The following ZNF516 variants were observed in gnomAD, a reference collection of about 807,000 sequenced individuals.
The protein encoded by ZNF516 is zinc finger protein 516.
Under a neutral mutation model 79.7 loss-of-function variants are expected in ZNF516, and 19 were observed. The observed-to-expected ratio is 0.24, with a 90% CI of 0.17 to 0.35. ZNF516 has a LOEUF of 0.35. Ranked by LOEUF, ZNF516 falls within the 10% of genes least tolerant of loss-of-function variation. ZNF516 has a pLI of 1.00. For synonymous variants in ZNF516, 877 were observed against 739.5 expected (o/e 1.19, Z -3.02); for missense variants, 1,678 against 1,679.5 (o/e 1.00, Z 0.02).
At chr18:76,464,000 A>G (rs775327187) in intron 1 of ZNF516, among the ~76,000 whole-genome samples, 2 of 152,052 alleles carry the variant, frequency 1.3e-5, no homozygotes, top group Non-Finnish European at 2.9e-5. Flanking sequence ...TTACGGCACC[A>G]CGCCATGTTT....
At chr18:76,384,799 A>G (rs1293553569) in intron 3 of ZNF516, among the ~76,000 whole-genome samples, 2 of 152,104 alleles carry the variant, frequency 1.3e-5, no homozygotes, top group Non-Finnish European at 2.9e-5. Context: ...TCTGCTCCTC[A>G]GTCCCCACCA....
At chr18:76,429,772 T>C (rs2075639544) in intron 3 of ZNF516, among the ~76,000 whole-genome samples, 1 of 152,108 alleles carries the variant, frequency 6.6e-6, no homozygotes, top group Non-Finnish European at 1.5e-5. Context: ...TGACCCAGAA[T>C]GGAAAATGAT....
In ZNF516 at chr18:76,379,961, T is replaced by C; in HGVS notation, c.2153A>G (p.His718Arg). Residue 718 changes from histidine to arginine, a missense_variant, in exon 4 of 7, where the codon CAC becomes CGC. Around this residue, in one of 5 missense-constraint regions of ZNF516, gnomAD observed 1,294 missense variants for 1,248.3 expected, o/e 1.04. Coordinates refer to ENST00000443185, the MANE Select transcript of ZNF516 (RefSeq NM_014643.4). ...CAGCGCCCGCTTCCCTCCCCCAGAG[T>C]GTTCCTTGTTGTGCAAATCGGACAG... ...EKLSDLHNKE[H>R]SGGGKRALAP... 1.2e-6 allele frequency: 2 copies of C among 1,613,900 alleles called. No homozygotes were observed. Among genetic ancestry groups the C allele is most frequent in the Non-Finnish European group, 1.7e-6 (2 of 1,179,860 alleles).
At chr18:76,460,315 C>G (rs1347504102) in intron 2 of ZNF516, among the ~76,000 whole-genome samples, 1 of 152,182 alleles carries the variant, frequency 6.6e-6, no homozygotes, top group Non-Finnish European at 1.5e-5. Flanking sequence ...CCACATCCCT[C>G]GACAAGGCTG....
rs1568295312 is a variant in ZNF516, at chr18:76,441,651, C to T, written c.1404G>A (p.Gln468=). ...LVSQEKRKRE[Q]DAPAAQGPPR... ...GGGGCCCCTGCGCGGCTGGTGCATC[C>T]TGCTCACGCTTGCGCTTCTCCTGGC... is the stretch of plus-strand genomic sequence containing the variant. Residue 468 remains glutamine (Q), a synonymous_variant, in exon 3 of 7, where the codon CAG becomes CAA. Transcript: ENST00000443185. 3.2e-6 allele frequency: 5 copies of T among 1,541,306 alleles called. No individual in the cohort carries two copies. The highest frequency in any genetic ancestry group is 4.4e-6 in the Non-Finnish European group (5 of 1,144,696).
rs371742038 is a variant in ZNF516 at position 76,384,218 on chromosome 18, C to G, written c.1811-3915G>C. On this transcript the variant is annotated intron_variant, in intron 3 of 6. Transcript: ENST00000443185. ...TGGCAATGAGAACTCCTCAGGACAC[C>G]CCCAACAGGTGGCAGCAGGCACAGG... Among the ~76,000 whole-genome samples the G allele has an allele frequency of 1.4e-3, 214 of 152,080 alleles. 1 individual carries two copies. The Middle Eastern group carries it at 0.017, about 12-fold the overall frequency.
chr18:76,402,890 G>A (rs1250029552), intron 3 of ZNF516, among the ~76,000 whole-genome samples: 1 of 152,208 alleles, frequency 6.6e-6, no homozygotes, highest in African/African-American at 2.4e-5. Context: ...GGCAGCTGCT[G>A]TCTGCGCTCG....
rs1425256843 is a variant in ZNF516 at position 76,361,637 on chromosome 18, A to G, written c.*861T>C. On this transcript the variant is annotated 3_prime_UTR_variant, in exon 7 of 7. Transcript: ENST00000443185. The stretch of plus-strand genomic sequence containing the variant: ...ATCGGGAGGACTCAGTGGCTAAATA[A>G]TTTGTTAAGACGTATAGTCTTCCTT... 1 of 152,220 alleles carries G rather than the reference A, an allele frequency of 6.6e-6. No individual in the cohort carries two copies. The highest frequency in any genetic ancestry group is 1.5e-5 in the Non-Finnish European group (1 of 68,052). 9.4% of individuals were successfully genotyped at this position (152,220 alleles called of 1,614,324 possible).
At chr18:76,471,986 A>C (rs943256731) in intron 1 of ZNF516, among the ~76,000 whole-genome samples, 1 of 152,162 alleles carries the variant, frequency 6.6e-6, no homozygotes, top group East Asian at 1.9e-4. Context: ...TGGATGGACC[A>C]AGTCTTACAG....
chr18:76,397,256 T>C (rs1271003316), intron 3 of ZNF516, among the ~76,000 whole-genome samples: 1 of 152,092 alleles, frequency 6.6e-6, no homozygotes, highest in Non-Finnish European at 1.5e-5. Context: ...TCATACAGAA[T>C]AATAAACGCT....
At chr18:76,473,828 T>C (rs1914009325) in intron 1 of ZNF516, among the ~76,000 whole-genome samples, 1 of 139,814 alleles carries the variant, frequency 7.2e-6, no homozygotes, top group African/African-American at 2.7e-5. Flanking sequence ...AGCTATCTTA[T>C]AATCATAAAG....
At chr18:76,491,009 T>C in intron 1 of ZNF516, 1 of 984,992 alleles carries the variant, frequency 1.0e-6, no homozygotes. Context: ...CAAGCCCGGG[T>C]GCCCACCGCC....
At chr18:76,488,885 G>A (rs1033619304) in intron 1 of ZNF516, among the ~76,000 whole-genome samples, 2 of 152,068 alleles carry the variant, frequency 1.3e-5, no homozygotes, top group Non-Finnish European at 2.9e-5. Flanking sequence ...AGTAATAAGC[G>A]AAATACCACT....
intron 3 of ZNF516, among the ~76,000 whole-genome samples, chr18:76,419,929 G>A (rs2075483887): frequency 6.6e-6 from 1 of 152,228 alleles, no homozygotes; most frequent in Non-Finnish European, 1.5e-5. Context: ...CAGCCTGGAA[G>A]CCAGGAGTCC....
At chr18:76,492,878 T>C (rs1439323245) in intron 1 of ZNF516, 29 of 985,694 alleles carry the variant, frequency 2.9e-5, no homozygotes, top group Non-Finnish European at 3.4e-5. Flanking sequence ...TAAAAGCGTG[T>C]CCACGTCTAC....
chr18:76,447,492 G>T (rs909786527), intron 2 of ZNF516, among the ~76,000 whole-genome samples: 1 of 152,200 alleles, frequency 6.6e-6, no homozygotes, highest in African/African-American at 2.4e-5. Context: ...CCAAATACAA[G>T]TTGTTCCAAC....
Position 76,442,156 on chromosome 18 carries a change from G to C in ZNF516, c.899C>G (p.Pro300Arg). ...FLKNHMKAHG[P>R]KTGSKNRPKS... ...GGGCCTGTTCTTGCTGCCCGTCTTGGGGCCGTGCGCCTTCATGTGGTTCTT... is the reference window on the plus strand; with the variant it reads ...GGGCCTGTTCTTGCTGCCCGTCTTGCGGCCGTGCGCCTTCATGTGGTTCTT... Residue 300 changes from proline (P) to arginine (R), a missense_variant, in exon 3 of 7, where the codon CCC (proline) becomes CGC (arginine). By Grantham distance (103) the Pro-to-Arg change is moderately radical. This residue lies in a region of ZNF516 where 1,294 missense variants were observed against 1,248.3 expected (regional missense o/e 1.04). Coordinates refer to ENST00000443185, the MANE Select transcript of ZNF516 (RefSeq NM_014643.4). 6.2e-7 allele frequency: 1 copy of C among 1,613,934 alleles called. No homozygotes were observed. The highest frequency in any genetic ancestry group is 8.5e-7 in the Non-Finnish European group (1 of 1,179,876).
intron 3 of ZNF516, among the ~76,000 whole-genome samples, chr18:76,380,849 G>A (rs544283580): frequency 5.3e-5 from 8 of 152,266 alleles, no homozygotes; most frequent in Non-Finnish European, 8.8e-5. Context: ...ACCACCTTCC[G>A]CCTCAGCCAT....
rs1181213767 is a variant in ZNF516 at position 76,360,627 on chromosome 18, A to G, written c.*1871T>C. ...TCTGGTGTAAGAATATCAGAAAAAAATAAGTAAAAAAAAAAAAAAATATAT... is the reference window on the plus strand; with the variant it reads ...TCTGGTGTAAGAATATCAGAAAAAAGTAAGTAAAAAAAAAAAAAAATATAT... On this transcript the variant is annotated 3_prime_UTR_variant, in exon 7 of 7. Coordinates refer to ENST00000443185, the MANE Select transcript of ZNF516 (RefSeq NM_014643.4). 2.3e-5 allele frequency: 2 copies of G among 87,026 alleles called. No homozygotes were observed. The highest frequency in any genetic ancestry group is 8.4e-5 in the African/African-American group (2 of 23,912). 5.4% of individuals were successfully genotyped at this position (87,026 alleles called of 1,614,324 possible).
Sources: gnomAD v4.1 joint callset for allele counts (sites outside exome capture counted in the v4.1 genomes callset) on GRCh38, gnomAD v4.1.1 for gene constraint, gnomAD v4.1.1 regional missense constraint, MANE v1.5 for transcripts, NCBI Gene and HGNC (gene_info 2026-07-23, HGNC 2026-07-21) for gene names.